Variants in MMP9 observed in about 807,000 individuals in gnomAD.
MMP9 encodes the protein matrix metallopeptidase 9.
In MMP9, 73 loss-of-function variants were observed where a neutral mutation model predicts 76.4. That is an observed-to-expected ratio of 0.96 (90% CI 0.79 to 1.16). The LOEUF is 1.16. Ranked by LOEUF, MMP9 falls within the 50% of genes most tolerant of loss-of-function variation. The probability of loss-of-function intolerance (pLI) is 0.00; values close to 1 mark genes in which losing one functional copy is unlikely to be tolerated. For missense variants in MMP9, 943 were observed against 973.0 expected (o/e 0.97, Z 0.41); for synonymous variants, 412 against 408.4 (o/e 1.01, Z -0.11).
At chr20:46,014,746 T>C (rs2084308743) in intron 12 of MMP9, 2 of 532,688 alleles carry the variant, frequency 3.8e-6, no homozygotes, top group Middle Eastern at 5.1e-4. Context: ...GCTCAGTTAT[T>C]AGACAACAGT....
Position 46,010,478 on chromosome 20 carries a change from T to A in MMP9, c.372-5T>A. ...GACCTCCTTCCTCTGGCTCTTACGCTACAGGATCCAAAACTACTCGGAAGA... is the reference window on the plus strand; with the variant it reads ...GACCTCCTTCCTCTGGCTCTTACGCAACAGGATCCAAAACTACTCGGAAGA... On this transcript the variant is annotated splice_region_variant and splice_polypyrimidine_tract_variant and intron_variant, in intron 2 of 12. Coordinates refer to ENST00000372330, the MANE Select transcript of MMP9 (RefSeq NM_004994.3). 1 of 1,614,114 alleles carries A rather than the reference T, an allele frequency of 6.2e-7. No homozygotes were observed. Among genetic ancestry groups the A allele is most frequent in the Non-Finnish European group, 8.5e-7 (1 of 1,180,036 alleles).
rs200866285 is a variant in MMP9, at chr20:46,013,717, C to A, written c.1671C>A (p.Ala557=). ...GSRPQGPFLI[A]DKWPALPRKL... ...GGCCGCAGGGCCCCTTCCTTATCGC[C>A]GACAAGTGGCCCGCGCTGCCCCGCA... The change falls in exon 10 of 13, where the codon GCC becomes GCA. Residue 557 remains alanine, a synonymous_variant. Transcript: ENST00000372330. This position sits in a 1 kb window ranked among gnomAD's most constrained non-coding sequence, Gnocchi z 4.5. 3.1e-6 allele frequency: 5 copies of A among 1,613,898 alleles called. No homozygotes were observed. In the East Asian group the frequency reaches 1.1e-4, roughly 36 times the overall value.
chr20:46,013,529 G>C lies in MMP9; in HGVS notation c.1605G>C (p.Lys535Asn). 1 of 1,613,926 alleles carries C rather than the reference G, an allele frequency of 6.2e-7. No individual in the cohort carries two copies. Among genetic ancestry groups the C allele is most frequent in the South Asian group, 1.1e-5 (1 of 91,024 alleles). Reference protein sequence around the residue: ...AEIGNQLYLFKDGKYWRFSEG... With the variant: ...AEIGNQLYLFNDGKYWRFSEG... ...TTGGGAACCAGCTGTATTTGTTCAAGGATGGGTGAGGAGGCGGGGTTGTGT... is the reference window on the plus strand; with the variant it reads ...TTGGGAACCAGCTGTATTTGTTCAACGATGGGTGAGGAGGCGGGGTTGTGT... The change falls in exon 9 of 13, where the codon AAG (lysine) becomes AAC (asparagine). Residue 535 changes from lysine to asparagine, a missense_variant. Transcript: ENST00000372330. The surrounding 1 kb of genome is among the most constrained non-coding windows in gnomAD (Gnocchi z 4.5).
intron 10 of MMP9, 55 bp from the exon 11 acceptor site, chr20:46,014,069 A>G (rs1234849090): frequency 9.1e-6 from 14 of 1,532,492 alleles, no homozygotes; most frequent in Non-Finnish European, 1.2e-5. Flanking sequence ...CTCGCGTTCT[A>G]GGAGTACGTG....
chr20:46,013,739 C>G lies in MMP9; in HGVS notation c.1693C>G (p.Arg565Gly), dbSNP rs1430252076. Residue 565 changes from arginine (R) to glycine (G), a missense_variant, in exon 10 of 13, where the codon CGC becomes GGC. Physicochemically the swap from Arg to Gly is moderately radical, Grantham distance 125. Coordinates refer to ENST00000372330, the MANE Select transcript of MMP9 (RefSeq NM_004994.3). This position sits in a 1 kb window ranked among gnomAD's most constrained non-coding sequence, Gnocchi z 4.5. ...LIADKWPALP[R>G]KLDSVFEERL... ...CGCCGACAAGTGGCCCGCGCTGCCC[C>G]GCAAGCTGGACTCGGTCTTTGAGGA... 11 of 1,613,700 alleles carry G rather than the reference C, an allele frequency of 6.8e-6. No homozygotes were observed. The highest frequency in any genetic ancestry group is 1.3e-5 in the African/African-American group (1 of 74,934).
chr20:46,013,871 C>T lies in MMP9; in HGVS notation c.1750+75C>T, dbSNP rs3918259. On this transcript the variant is annotated intron_variant, in intron 10 of 12. Coordinates refer to ENST00000372330, the MANE Select transcript of MMP9 (RefSeq NM_004994.3). The surrounding 1 kb of genome is among the most constrained non-coding windows in gnomAD (Gnocchi z 4.5). ...GGAGGCTCAAGAGACCATCGATAAC[C>T]CACGAAACGTCTTGTGCGTTTTAGA... 3,654 of 1,588,872 alleles carry T rather than the reference C, an allele frequency of 2.3e-3. 82 individuals carry two copies. In the African/African-American group the frequency reaches 0.044, roughly 19 times the overall value.
Position 46,010,024 on chromosome 20 carries a change from CGG to C in MMP9, c.300_301del (p.Val101ProfsTer10), listed in dbSNP as rs2084265316. On this transcript the variant is annotated frameshift_variant, in exon 2 of 13. Coordinates refer to ENST00000372330, the MANE Select transcript of MMP9 (RefSeq NM_004994.3). LOFTEE classifies it high-confidence loss of function. ...TLKAMRTPRCGVPDLGRFQTF... is the reference protein window; with the variant it reads ...TLKAMRTPRCXVPDLGRFQTF... ...TGAAGGCCATGCGAACCCCACGGTGCGGGGTCCCAGACCTGGGCAGATTCCAA... is the reference window on the plus strand; with the variant it reads ...TGAAGGCCATGCGAACCCCACGGTGCGGTCCCAGACCTGGGCAGATTCCAA... The C allele has an allele frequency of 2.6e-6, 4 of 1,539,912 alleles. No individual in the cohort carries two copies. Among genetic ancestry groups the C allele is most frequent in the Non-Finnish European group, 3.5e-6 (4 of 1,140,160 alleles).
At chr20:46,014,872 A>C in intron 12 of MMP9, 1 of 217,678 alleles carries the variant, frequency 4.6e-6, no homozygotes, top group Non-Finnish European at 9.3e-6. Flanking sequence ...CAGTTTCCCC[A>C]TCTGTAATAT....
At chr20:46,009,800 C>A in intron 1 of MMP9, 66 bp from the exon 2 acceptor site, 1 of 1,400,446 alleles carries the variant, frequency 7.1e-7, no homozygotes, top group Non-Finnish European at 9.9e-7. Context: ...GGAGGGAGTC[C>A]TTTGGCCCCA....
At chr20:46,016,215 GA>G (rs750253454) in intron 12 of MMP9, 34 bp from the exon 13 acceptor site, 481 of 1,549,848 alleles carry the variant, frequency 3.1e-4, no homozygotes, top group South Asian at 5.7e-4. Flanking sequence ...GGGAGAATTA[GA>G]ATCACTCCTC....
At position 46,013,847 on chromosome 20, in the gene MMP9, G is replaced by A; in HGVS notation, c.1750+51G>A. The stretch of plus-strand genomic sequence containing the variant: ...GCCCGGTCAATCCCCATCAGTCAAG[G>A]AGGCTCAAGAGACCATCGATAACCC... On this transcript the variant is annotated intron_variant, in intron 10 of 12. Transcript: ENST00000372330. This position sits in a 1 kb window ranked among gnomAD's most constrained non-coding sequence, Gnocchi z 4.5. The A allele has an allele frequency of 6.2e-7, 1 of 1,607,894 alleles. No individual in the cohort carries two copies. The highest frequency in any genetic ancestry group is 8.5e-7 in the Non-Finnish European group (1 of 1,177,574).
In MMP9 at chr20:46,010,593, G is replaced by A. The variant is rs2084272369; in HGVS notation, c.482G>A (p.Ser161Asn). 6.2e-7 allele frequency: 1 copy of A among 1,613,982 alleles called. No homozygotes were observed. The highest frequency in any genetic ancestry group is 1.7e-5 in the Admixed American group (1 of 59,996). Residue 161 changes from serine to asparagine, a missense_variant, in exon 3 of 13, where the codon AGC (serine) becomes AAC (asparagine). Ser to Asn is a conservative substitution (Grantham distance 46, BLOSUM62 1). Coordinates refer to ENST00000372330, the MANE Select transcript of MMP9 (RefSeq NM_004994.3). ...CCGCTCACCTTCACTCGCGTGTACA[G>A]CCGGGACGCAGACATCGTCATCCAG... ...VTPLTFTRVY[S>N]RDADIVIQFG... is the part of the protein sequence containing the mutation.
intron 2 of MMP9, 102 bp from the exon 3 acceptor site, chr20:46,010,379 CAG>C: frequency 8.8e-7 from 1 of 1,138,828 alleles, no homozygotes; most frequent in Non-Finnish European, 1.3e-6. Context: ...GCGTGGACGG[CAG>C]AGAGCATTGT....
intron 12 of MMP9, among the ~76,000 whole-genome samples, chr20:46,015,989 T>C (rs1330424102): frequency 1.3e-5 from 2 of 152,244 alleles, no homozygotes; most frequent in Non-Finnish European, 2.9e-5. Context: ...TCTATTCATT[T>C]GTTAATTCAT....
chr20:46,010,096 T>C lies in MMP9; in HGVS notation c.369T>C (p.Tyr123=). ...DLKWHHHNIT[Y]WIQNYSEDLP... The stretch of plus-strand genomic sequence containing the variant: ...AGTGGCACCACCACAACATCACCTA[T>C]TGGTGAGCCGGGGCCGTGGGGGCAG... The change falls in exon 2 of 13, where the codon TAT becomes TAC. Residue 123 remains tyrosine, a splice_region_variant and synonymous_variant. Coordinates refer to ENST00000372330, the MANE Select transcript of MMP9 (RefSeq NM_004994.3). 2 of 1,546,156 alleles carry C rather than the reference T, an allele frequency of 1.3e-6. No individual in the cohort carries two copies. The highest frequency in any genetic ancestry group is 1.7e-6 in the Non-Finnish European group (2 of 1,143,910).
chr20:46,015,447 TTTTTTC>T (rs2084313485), intron 12 of MMP9, among the ~76,000 whole-genome samples: 10 of 135,120 alleles, frequency 7.4e-5, no homozygotes, highest in South Asian at 5.2e-4. Flanking sequence ...TTTTTTTTTC[TTTTTTC>T]TTTTTTTTTT....
intron 1 of MMP9, 103 bp from the exon 2 acceptor site, chr20:46,009,763 G>GA (rs1028936845): frequency 9.7e-7 from 1 of 1,034,288 alleles, no homozygotes; most frequent in South Asian, 1.4e-5. Flanking sequence ...AAAAGAAAAA[G>GA]AAAAAAGACT....
At position 46,014,292 on chromosome 20, in the gene MMP9, C is replaced by A; in HGVS notation, c.1901+18C>A. The A allele has an allele frequency of 6.5e-7, 1 of 1,528,632 alleles. No individual in the cohort carries two copies. The highest frequency in any genetic ancestry group is 8.8e-7 in the Non-Finnish European group (1 of 1,141,054). The allele number at this position is 1,528,632 out of a possible 1,614,324, so 94.7% of individuals were successfully genotyped here. On this transcript the variant is annotated intron_variant, in intron 11 of 12. Coordinates refer to ENST00000372330, the MANE Select transcript of MMP9 (RefSeq NM_004994.3). The stretch of plus-strand genomic sequence containing the variant: ...CTCTGGAGGTGAGCGCCGCCGCGGC[C>A]GCCGGCAGGGGGAGCCCGGGCGCCG...
In MMP9 at chr20:46,012,452, G is replaced by A. The variant is rs201927079; in HGVS notation, c.1200G>A (p.Ala400=). ...GATACAGTTTGTTCCTCGTGGCGGC[G>A]CATGAGTTCGGCCACGCGCTGGGCT... is the stretch of plus-strand genomic sequence containing the variant. The part of the protein sequence containing the change: ...DQGYSLFLVA[A]HEFGHALGLD... Residue 400 remains alanine (A), a synonymous_variant, in exon 8 of 13, where the codon GCG becomes GCA. Transcript: ENST00000372330. The A allele has an allele frequency of 1.9e-6, 3 of 1,614,120 alleles. No homozygotes were observed. The highest frequency in any genetic ancestry group is 1.7e-5 in the Admixed American group (1 of 60,024).
Sources: gnomAD v4.1 joint callset for allele counts (sites outside exome capture counted in the v4.1 genomes callset) on GRCh38, gnomAD v4.1.1 for gene constraint, Gnocchi (gnomAD v3.1) non-coding constraint, MANE v1.5 for transcripts, NCBI Gene and HGNC (gene_info 2026-07-23, HGNC 2026-07-21) for gene names.